The following RALYL variants were observed in gnomAD, a reference collection of about 807,000 sequenced individuals.
RALYL encodes the protein RALY RNA binding protein like.
Under a neutral mutation model 35.1 loss-of-function variants are expected in RALYL, and 29 were observed. The ratio of observed to expected loss-of-function variants is 0.83; its 90% CI spans 0.61 to 1.13. RALYL has a LOEUF of 1.13. Among genes scored for constraint, RALYL ranks in the 50% most tolerant of loss-of-function variants. RALYL has a pLI of 0.00. For synonymous variants in RALYL, 120 were observed against 127.6 expected (o/e 0.94, Z 0.40); for missense variants, 359 against 360.4 (o/e 1.00, Z 0.03).
chr8:84,324,136 T>G (rs1210751706), intron 1 of RALYL, among the ~76,000 whole-genome samples: 1 of 152,086 alleles, frequency 6.6e-6, no homozygotes, highest in African/African-American at 2.4e-5. Flanking sequence ...CTAATGTATC[T>G]TAGAAGGTCT....
intron 2 of RALYL, among the ~76,000 whole-genome samples, chr8:84,773,837 C>A (rs1175504478): frequency 3.9e-5 from 6 of 152,144 alleles, no homozygotes; most frequent in Non-Finnish European, 8.8e-5. Context: ...ATGAACAGAA[C>A]TCTATTTCAT....
At chr8:84,689,131 G>T (rs1406429890) in intron 2 of RALYL, among the ~76,000 whole-genome samples, 2 of 151,562 alleles carry the variant, frequency 1.3e-5, no homozygotes, top group Non-Finnish European at 2.9e-5. Flanking sequence ...ACAATGTGCA[G>T]GTTAGTTACA....
intron 1 of RALYL, among the ~76,000 whole-genome samples, chr8:84,368,059 A>T (rs1040592573): frequency 6.6e-6 from 1 of 152,164 alleles, no homozygotes; most frequent in Non-Finnish European, 1.5e-5. Context: ...ACTGTACTTC[A>T]ACAAGTCTCC....
rs567698948 is a variant in RALYL, at chr8:84,813,284, A to C, written c.365+8482A>C. Among the ~76,000 whole-genome samples, 5 of 152,294 alleles carry C rather than the reference A, an allele frequency of 3.3e-5. No individual in the cohort carries two copies. The East Asian group carries it at 9.7e-4, about 29-fold the overall frequency. On this transcript the variant is annotated intron_variant, in intron 4 of 8. Coordinates refer to ENST00000521268, the MANE Select transcript of RALYL (RefSeq NM_173848.7). Reference sequence around the variant, plus strand: ...ATTTGGGATGTCTCCTGGGTCCTGCAGGAGCACTCTGCCTCCTTCAGAGGG... The same window carrying C: ...ATTTGGGATGTCTCCTGGGTCCTGCCGGAGCACTCTGCCTCCTTCAGAGGG...
chr8:84,403,710 A>C (rs2043179041), intron 1 of RALYL, among the ~76,000 whole-genome samples: 1 of 151,514 alleles, frequency 6.6e-6, no homozygotes, highest in Non-Finnish European at 1.5e-5. Context: ...TTTTTTTCTA[A>C]TTCTGTGAAG....
intron 2 of RALYL, among the ~76,000 whole-genome samples, chr8:84,773,864 A>C (rs1288518292): frequency 6.6e-6 from 1 of 152,228 alleles, no homozygotes; most frequent in Non-Finnish European, 1.5e-5. Context: ...GTTTATGCAT[A>C]CTGAAAAATT....
intron 1 of RALYL, among the ~76,000 whole-genome samples, chr8:84,252,903 A>G (rs1235487011): frequency 1.3e-5 from 2 of 152,104 alleles, no homozygotes; most frequent in African/African-American, 4.8e-5. Flanking sequence ...TAAGAACATC[A>G]ATATCCTATG....
chr8:84,506,417 T>C (rs711038), intron 1 of RALYL, among the ~76,000 whole-genome samples: 60,164 of 151,716 alleles, frequency 0.4, 12,278 homozygotes, highest in East Asian at 0.52. Context: ...AAAAATGAAG[T>C]TCTTCTAAAT....
intron 1 of RALYL, among the ~76,000 whole-genome samples, chr8:84,363,161 G>C (rs767341691): frequency 5.9e-5 from 9 of 152,144 alleles, no homozygotes; most frequent in Non-Finnish European, 1.2e-4. Flanking sequence ...GACAAACTGG[G>C]ACTGATGAGC....
At chr8:84,638,867 CATAAATATATATATATATATATATAT>C (rs1206859603) in intron 2 of RALYL, among the ~76,000 whole-genome samples, 1,355 of 102,116 alleles carry the variant, frequency 0.013, 69 homozygotes, top group African/African-American at 0.06. Context: ...CTAATGCACG[CATAAATATATATATATATATATATAT>C]ATATATATAT....
At chr8:84,388,205 C>G (rs189187817) in intron 1 of RALYL, among the ~76,000 whole-genome samples, 20 of 152,038 alleles carry the variant, frequency 1.3e-4, no homozygotes, top group East Asian at 3.9e-4. Context: ...GTATTCCATG[C>G]TGTATATGTG....
intron 1 of RALYL, among the ~76,000 whole-genome samples, chr8:84,371,748 C>T (rs1384340613): frequency 6.6e-6 from 1 of 152,006 alleles, no homozygotes; most frequent in African/African-American, 2.4e-5. Context: ...AGAACTATTT[C>T]TAAAGATAAA....
At chr8:84,610,091 G>T (rs1374445646) in intron 2 of RALYL, among the ~76,000 whole-genome samples, 2 of 152,084 alleles carry the variant, frequency 1.3e-5, no homozygotes, top group Non-Finnish European at 1.5e-5. Flanking sequence ...TTCAAGATGA[G>T]ATTTGGGTAG....
intron 2 of RALYL, among the ~76,000 whole-genome samples, chr8:84,685,307 C>CT (rs1352151501): frequency 6.6e-6 from 1 of 152,074 alleles, no homozygotes; most frequent in Non-Finnish European, 1.5e-5. Flanking sequence ...ATACAGTCTA[C>CT]TTTTTTCTCT....
At chr8:84,428,109 C>G (rs2046735404) in intron 1 of RALYL, among the ~76,000 whole-genome samples, 1 of 135,482 alleles carries the variant, frequency 7.4e-6, no homozygotes, top group Non-Finnish European at 1.6e-5. Context: ...CTCTCTCTCA[C>G]ACACACACAC....
intron 8 of RALYL, among the ~76,000 whole-genome samples, chr8:84,904,185 C>T (rs987328614): frequency 6.6e-6 from 1 of 151,902 alleles, no homozygotes; most frequent in Non-Finnish European, 1.5e-5. Flanking sequence ...ACTTCAGTGC[C>T]CATTGTTACG....
At chr8:84,900,565 G>C (rs931143962) in intron 8 of RALYL, among the ~76,000 whole-genome samples, 1 of 151,990 alleles carries the variant, frequency 6.6e-6, no homozygotes, top group Non-Finnish European at 1.5e-5. Flanking sequence ...TGTAATTCCA[G>C]CTACCTGGGA....
intron 2 of RALYL, among the ~76,000 whole-genome samples, chr8:84,696,636 G>A (rs1053009263): frequency 1.3e-5 from 2 of 151,790 alleles, no homozygotes; most frequent in African/African-American, 4.8e-5. Flanking sequence ...AAGATTTTGT[G>A]TTTGCCAAAC....
At chr8:84,735,649 G>A (rs1847121892) in intron 2 of RALYL, among the ~76,000 whole-genome samples, 2 of 151,980 alleles carry the variant, frequency 1.3e-5, no homozygotes, top group Non-Finnish European at 2.9e-5. Context: ...CTGGAACACT[G>A]ACAATCTATC....
Sources: gnomAD v4.1 joint callset for allele counts (sites outside exome capture counted in the v4.1 genomes callset) on GRCh38, gnomAD v4.1.1 for gene constraint, MANE v1.5 for transcripts, NCBI Gene and HGNC (gene_info 2026-07-23, HGNC 2026-07-21) for gene names.